The following EIF4ENIF1 variants were observed in gnomAD, a reference collection of about 807,000 sequenced individuals.
EIF4ENIF1 encodes the protein eukaryotic translation initiation factor 4E transporter.
In EIF4ENIF1, 23 loss-of-function variants were observed where a neutral mutation model predicts 110.5. That is an observed-to-expected ratio of 0.21 (90% CI 0.15 to 0.29). EIF4ENIF1 has a LOEUF of 0.29. Ranked by LOEUF, EIF4ENIF1 falls within the 10% of genes least tolerant of loss-of-function variation. EIF4ENIF1 has a pLI of 1.00. For missense variants in EIF4ENIF1, 1,031 were observed against 1,221.1 expected, an observed-to-expected ratio of 0.84 and a Z score of 2.32; for synonymous variants, 440 against 437.0, an observed-to-expected ratio of 1.01 and a Z score of -0.09.
chr22:31,475,536 G>A (rs1041925204), intron 2 of EIF4ENIF1, among the ~76,000 whole-genome samples: 1 of 152,062 alleles, frequency 6.6e-6, no homozygotes, highest in Non-Finnish European at 1.5e-5. Flanking sequence ...CAGATCACTT[G>A]AGGCCAGGAG....
chr22:31,454,695 G>T (rs1448905293), intron 9 of EIF4ENIF1, among the ~76,000 whole-genome samples: 4 of 152,118 alleles, frequency 2.6e-5, no homozygotes, highest in Non-Finnish European at 4.4e-5. Context: ...CTTGTTACCT[G>T]GGACAAGAAT....
upstream of EIF4ENIF1, among the ~76,000 whole-genome samples, chr22:31,490,967 C>A (rs1022677893): frequency 2.0e-5 from 3 of 152,206 alleles, no homozygotes; most frequent in Non-Finnish European, 2.9e-5. Flanking sequence ...TCTTGTGAAT[C>A]TTGGCAACAG....
rs1250387012 is a variant in EIF4ENIF1, at chr22:31,454,309, C to G, written c.1347G>C (p.Gln449His). 6.2e-7 allele frequency: 1 copy of G among 1,614,048 alleles called. No individual in the cohort carries two copies. Among genetic ancestry groups the G allele is most frequent in the East Asian group, 2.2e-5 (1 of 44,892 alleles). The change falls in exon 10 of 19, where the codon CAG becomes CAC. Residue 449 changes from glutamine (Q) to histidine (H), a missense_variant. Gln to His is a conservative substitution (Grantham distance 24). Transcript: ENST00000330125. The part of the protein sequence containing the change: ...EAGLKGLKVD[Q>H]QVKNSTPFMA... ...TGAAGGGAGTTGAATTCTTCACTTG[C>G]TGGTCAACCTTCAAGCCCTTCAGAC...
At chr22:31,465,740 T>G (rs1212376821) in intron 4 of EIF4ENIF1, among the ~76,000 whole-genome samples, 1 of 152,210 alleles carries the variant, frequency 6.6e-6, no homozygotes, top group African/African-American at 2.4e-5. Context: ...CAGCTTTGGT[T>G]ATTTAACAGT....
chr22:31,441,936 A>T lies in EIF4ENIF1; in HGVS notation c.2389T>A (p.Ser797Thr). The T allele has an allele frequency of 1.2e-6, 2 of 1,614,186 alleles. No individual in the cohort carries two copies. The highest frequency in any genetic ancestry group is 1.3e-5 in the African/African-American group (1 of 75,048). The change falls in exon 17 of 19, where the codon TCC (serine) becomes ACC (threonine). Residue 797 changes from serine to threonine, a missense_variant. Physicochemically the swap from Ser to Thr is moderately conservative, Grantham distance 58 (BLOSUM62 1). Around this residue, in one of 3 missense-constraint regions of EIF4ENIF1, gnomAD observed 309 missense variants for 299.1 expected, o/e 1.03. Transcript: ENST00000330125. Reference sequence around the variant, plus strand: ...AGAAAAGGTGTTGTAGGAACTGGGGATGCCAAGGTGGGTGTTTTTCTCCCA... The same window carrying T: ...AGAAAAGGTGTTGTAGGAACTGGGGTTGCCAAGGTGGGTGTTTTTCTCCCA... ...ATGRKTPTLA[S>T]PVPTTPFLRP...
At chr22:31,451,261 C>CA (rs1029440938) in intron 10 of EIF4ENIF1, 2 of 152,066 alleles carry the variant, frequency 1.3e-5, no homozygotes, top group African/African-American at 4.8e-5. Context: ...TTTCATATTT[C>CA]AGGAAATTTA....
intron 2 of EIF4ENIF1, among the ~76,000 whole-genome samples, chr22:31,484,233 AT>A (rs1262591707): frequency 6.6e-6 from 1 of 152,150 alleles, no homozygotes; most frequent in Non-Finnish European, 1.5e-5. Flanking sequence ...CCTAAAGGTG[AT>A]CCCCCAGGCA....
intron 2 of EIF4ENIF1, among the ~76,000 whole-genome samples, chr22:31,475,241 C>T (rs1342751450): frequency 6.6e-6 from 1 of 150,632 alleles, no homozygotes; most frequent in Non-Finnish European, 1.5e-5. Flanking sequence ...AATACAAAGA[C>T]ATACCTAAAG....
At chr22:31,450,246 A>G (rs1195069338) in intron 11 of EIF4ENIF1, 43 bp downstream of exon 11, 4 of 1,538,484 alleles carry the variant, frequency 2.6e-6, no homozygotes, top group Non-Finnish European at 3.6e-6. Context: ...TCAGAAGACT[A>G]CTGTTCAAGA....
rs764454178 is a variant in EIF4ENIF1 at position 31,454,327 on chromosome 22, C to T, written c.1329G>A (p.Lys443=). The T allele has an allele frequency of 5.6e-5, 90 of 1,614,030 alleles. No homozygotes were observed. Among genetic ancestry groups the T allele is most frequent in the South Asian group, 6.6e-5 (6 of 91,088 alleles). ...LSVEEVEAGL[K]GLKVDQQVKN... ...TCACTTGCTGGTCAACCTTCAAGCC[C>T]TTCAGACCTGCTTCTACCTCCTCCA... is the stretch of plus-strand genomic sequence containing the variant. The change falls in exon 10 of 19, where the codon AAG becomes AAA. Residue 443 remains lysine, a synonymous_variant. Transcript: ENST00000330125.
chr22:31,470,361 A>G (rs2051332872), intron 3 of EIF4ENIF1, among the ~76,000 whole-genome samples: 1 of 145,462 alleles, frequency 6.9e-6, no homozygotes, highest in East Asian at 2.1e-4. Context: ...GATCAACGCA[A>G]CCTCCACCTC....
chr22:31,482,085 C>T (rs1012222536), intron 2 of EIF4ENIF1, among the ~76,000 whole-genome samples: 2 of 150,814 alleles, frequency 1.3e-5, no homozygotes, highest in African/African-American at 2.4e-5. Context: ...GTGGAAGGAT[C>T]GCATGAATGC....
rs145018643 is a variant in EIF4ENIF1, at chr22:31,488,674, G to A, written c.45C>T (p.Phe15=). ...SMGETESGDA[F]LDLKKPPASK... is the part of the protein sequence containing the mutation. ...AGGCAGGAGGCTTCTTCAGGTCAAG[G>A]AAAGCATCTCCACTTTCTGTTTCAC... is the stretch of plus-strand genomic sequence containing the variant. The change falls in exon 2 of 19, where the codon TTC becomes TTT. Residue 15 remains phenylalanine, a synonymous_variant. Coordinates refer to ENST00000330125, the MANE Select transcript of EIF4ENIF1 (RefSeq NM_019843.4). 3.6e-4 allele frequency: 588 copies of A among 1,614,064 alleles called. 1 individual carries two copies. Among genetic ancestry groups the A allele is most frequent in the Non-Finnish European group, 9.3e-5 (110 of 1,180,012 alleles).
At chr22:31,457,665 A>G (rs2050871387) in intron 7 of EIF4ENIF1, among the ~76,000 whole-genome samples, 1 of 152,234 alleles carries the variant, frequency 6.6e-6, no homozygotes, top group Non-Finnish European at 1.5e-5. Flanking sequence ...TTCATAATCC[A>G]TACCCAAATT....
At chr22:31,493,306 G>A (rs2052298837), upstream of EIF4ENIF1, among the ~76,000 whole-genome samples, 1 of 152,128 alleles carries the variant, frequency 6.6e-6, no homozygotes, top group Non-Finnish European at 1.5e-5. Context: ...TGTGATTACA[G>A]GTGTGAGCCA....
At chr22:31,477,390 A>AAAAAAAAAAAAAAAAAAAAAG (rs1381135932) in intron 2 of EIF4ENIF1, among the ~76,000 whole-genome samples, 1 of 133,654 alleles carries the variant, frequency 7.5e-6, no homozygotes, top group Non-Finnish European at 1.6e-5. Context: ...AAAACAAAAA[A>AAAAAAAAAAAAAAAAAAAAAG]AGAGAATTTG....
chr22:31,446,673 A>G (rs1238923910), intron 14 of EIF4ENIF1, among the ~76,000 whole-genome samples: 1 of 152,190 alleles, frequency 6.6e-6, no homozygotes, highest in Non-Finnish European at 1.5e-5. Context: ...TGGACAGTGG[A>G]GAGTTCTGAG....
intron 2 of EIF4ENIF1, among the ~76,000 whole-genome samples, chr22:31,473,348 A>G (rs2051456655): frequency 6.6e-6 from 1 of 152,152 alleles, no homozygotes; most frequent in African/African-American, 2.4e-5. Context: ...AAGAACTGCC[A>G]GTTTTTTTTA....
chr22:31,481,016 T>A (rs1210289782), intron 2 of EIF4ENIF1, among the ~76,000 whole-genome samples: 1 of 152,160 alleles, frequency 6.6e-6, no homozygotes, highest in African/African-American at 2.4e-5. Flanking sequence ...TGAGCCAAGA[T>A]CGTGCAAGAC....
Sources: allele counts gnomAD v4.1 joint callset (sites outside exome capture counted in the v4.1 genomes callset), GRCh38; gene constraint gnomAD v4.1.1; regional missense constraint gnomAD v4.1.1; transcripts MANE v1.5; gene names NCBI Gene and HGNC (gene_info 2026-07-23, HGNC 2026-07-21).